CENPE: variants seen among roughly 807,000 people sequenced by gnomAD.
The protein encoded by CENPE is centromere-associated protein E.
In CENPE, 145 loss-of-function variants were observed where a neutral mutation model predicts 336.1. The ratio of observed to expected loss-of-function variants is 0.43; its 90% CI spans 0.38 to 0.50. CENPE has a LOEUF of 0.50. CENPE is among the 20% of genes least tolerant of loss of function. The pLI is 0.00. For missense variants in CENPE, 2,719 were observed against 3,023.3 expected (o/e 0.90, Z 2.36); for synonymous variants, 1,013 against 984.8 (o/e 1.03, Z -0.54).
intron 42 of CENPE, among the ~76,000 whole-genome samples, chr4:103,127,107 AAAAAACC>A (rs1751180651): frequency 6.6e-6 from 1 of 150,824 alleles, no homozygotes; most frequent in African/African-American, 2.4e-5. Context: ...TAAAAAAAAA[AAAAAACC>A]AAAAAAACCC....
At chr4:103,107,620 C>A (rs775085153) in intron 48 of CENPE, among the ~76,000 whole-genome samples, 1 of 152,108 alleles carries the variant, frequency 6.6e-6, no homozygotes, top group Non-Finnish European at 1.5e-5. Context: ...TCCTGCAAGT[C>A]CCCCCACTTC....
intron 16 of CENPE, among the ~76,000 whole-genome samples, chr4:103,173,570 C>CAATATTTGCAGA (rs1182868413): frequency 6.6e-4 from 100 of 151,828 alleles, no homozygotes; most frequent in African/African-American, 2.3e-3. Context: ...AAAATATTTG[C>CAATATTTGCAGA]AATATTTGCA....
At chr4:103,192,791 GGAAGACAT>G (rs142714571) in intron 8 of CENPE, among the ~76,000 whole-genome samples, 24,117 of 151,960 alleles carry the variant, frequency 0.16, 2,278 homozygotes, top group Non-Finnish European at 0.2. Flanking sequence ...ACCATCTTTA[GGAAGACAT>G]GAATTAGAAT....
rs1750672501 is a variant in CENPE at position 103,122,012 on chromosome 4, A to G, written c.7143+859T>C. Among the ~76,000 whole-genome samples the G allele has an allele frequency of 3.9e-5, 6 of 152,326 alleles. No homozygotes were observed. The South Asian group carries it at 1.2e-3, about 32-fold the overall frequency. On this transcript the variant is annotated intron_variant, in intron 43 of 48. Coordinates refer to ENST00000265148, the MANE Select transcript of CENPE (RefSeq NM_001813.3). Reference sequence around the variant, plus strand: ...ATCAAACTTGTCTAATGATAGTAGCATGTATTTTATTATCTGCTAGACTAT... The same window carrying G: ...ATCAAACTTGTCTAATGATAGTAGCGTGTATTTTATTATCTGCTAGACTAT...
chr4:103,117,941 T>A (rs1210642039), intron 44 of CENPE, among the ~76,000 whole-genome samples: 1 of 152,218 alleles, frequency 6.6e-6, no homozygotes, highest in Non-Finnish European at 1.5e-5. Flanking sequence ...TCATTTCTTT[T>A]AATTGCTGAA....
chr4:103,160,488 T>C, intron 21 of CENPE, 137 bp downstream of exon 21: 1 of 604,584 alleles, frequency 1.7e-6, no homozygotes, highest in Non-Finnish European at 2.8e-6. Context: ...TTCATTTCTA[T>C]TTCTAACTAG....
At chr4:103,114,406 G>A (rs752136089) in intron 46 of CENPE, 49 bp downstream of exon 46, 9 of 1,085,414 alleles carry the variant, frequency 8.3e-6, no homozygotes, top group Non-Finnish European at 1.1e-5. Flanking sequence ...AGTCTGTTGT[G>A]TGTTGAGAAG....
At chr4:103,178,957 C>T (rs1484870993) in intron 13 of CENPE, among the ~76,000 whole-genome samples, 1 of 152,040 alleles carries the variant, frequency 6.6e-6, no homozygotes, top group Admixed American at 6.6e-5. Context: ...AAATCTTCTA[C>T]CTCATATTCA....
At chr4:103,192,457 A>G (rs1757438688) in intron 8 of CENPE, among the ~76,000 whole-genome samples, 1 of 152,234 alleles carries the variant, frequency 6.6e-6, no homozygotes, top group African/African-American at 2.4e-5. Flanking sequence ...AGTATATTCG[A>G]AATCCTTATG....
At chr4:103,163,852 A>C (rs1483410336) in intron 16 of CENPE, among the ~76,000 whole-genome samples, 2 of 152,136 alleles carry the variant, frequency 1.3e-5, no homozygotes, top group Non-Finnish European at 2.9e-5. Flanking sequence ...ATAGCAAATT[A>C]GTATGCACTA....
At position 103,163,231 on chromosome 4, in the gene CENPE, A is replaced by C. The variant is rs750434530; in HGVS notation, c.1748T>G (p.Leu583Arg). The C allele has an allele frequency of 6.2e-7, 1 of 1,609,326 alleles. No homozygotes were observed. Among genetic ancestry groups the C allele is most frequent in the Admixed American group, 1.7e-5 (1 of 59,744 alleles). The change falls in exon 18 of 49, where the codon CTG becomes CGG. Residue 583 changes from leucine to arginine, a missense_variant. By Grantham distance (102) the Leu-to-Arg change is moderately radical. Around this residue, in one of 5 missense-constraint regions of CENPE, gnomAD observed 2,437 missense variants for 2,513.3 expected, o/e 0.97. Transcript: ENST00000265148. The stretch of plus-strand genomic sequence containing the variant: ...AATCTGGTCTTCCTTTTCTCTAAGC[A>C]GCTCTACTTTTGAACTGAGTTCATT... ...LENELSSKVE[L>R]LREKEDQIKK...
chr4:103,154,919 C>G (rs1753845888), intron 24 of CENPE, among the ~76,000 whole-genome samples: 1 of 152,104 alleles, frequency 6.6e-6, no homozygotes, highest in Admixed American at 6.5e-5. Flanking sequence ...GATAGACCTG[C>G]TAGTGCAGCT....
intron 16 of CENPE, among the ~76,000 whole-genome samples, chr4:103,170,988 A>G (rs1318095212): frequency 3.9e-5 from 6 of 152,220 alleles, no homozygotes; most frequent in African/African-American, 1.4e-4. Context: ...GGTTGTAACA[A>G]TTGTAAATAT....
Position 103,153,131 on chromosome 4 carries a change from C to A in CENPE, c.3153G>T (p.Glu1051Asp). The A allele has an allele frequency of 6.2e-7, 1 of 1,612,826 alleles. No individual in the cohort carries two copies. The highest frequency in any genetic ancestry group is 8.5e-7 in the Non-Finnish European group (1 of 1,179,396). ...CTAACATTTGTTGGAGTTCATTTTT[C>A]TCCTGTATTAAAGAAAATATCTTCC... Reference protein sequence around the residue: ...QQRKIFSLIQEKNELQQMLES... With the variant: ...QQRKIFSLIQDKNELQQMLES... The change falls in exon 25 of 49, where the codon GAG becomes GAT. Residue 1051 changes from glutamate to aspartate, a missense_variant. Transcript: ENST00000265148.
chr4:103,123,340 T>G (rs1490481091), intron 42 of CENPE, among the ~76,000 whole-genome samples: 1 of 152,184 alleles, frequency 6.6e-6, no homozygotes, highest in Non-Finnish European at 1.5e-5. Flanking sequence ...CAGCATACAC[T>G]ACTTGTTCAC....
At chr4:103,187,743 A>G (rs1756918851) in intron 8 of CENPE, among the ~76,000 whole-genome samples, 1 of 152,248 alleles carries the variant, frequency 6.6e-6, no homozygotes, top group African/African-American at 2.4e-5. Context: ...GCATCAACTA[A>G]CAAGCAAAAT....
intron 8 of CENPE, among the ~76,000 whole-genome samples, chr4:103,193,662 C>T (rs1757527889): frequency 6.6e-6 from 1 of 152,044 alleles, no homozygotes; most frequent in African/African-American, 2.4e-5. Flanking sequence ...TTCAGCAAAT[C>T]TATATTAGAC....
At position 103,181,448 on chromosome 4, in the gene CENPE, A is replaced by G; in HGVS notation, c.972T>C (p.Ser324=). ...DETLTALQFA[S]TAKYMKNTPY... is the part of the protein sequence containing the mutation. ...GAGTATTCTTCATATATTTAGCAGT[A>G]CTGGCAAACTGGAAAAAAAATACGA... The change falls in exon 12 of 49, where the codon AGT becomes AGC. Residue 324 remains serine, a synonymous_variant. Transcript: ENST00000265148. The G allele has an allele frequency of 6.4e-7, 1 of 1,558,582 alleles. No homozygotes were observed. The highest frequency in any genetic ancestry group is 8.6e-7 in the Non-Finnish European group (1 of 1,159,668).
At chr4:103,165,124 T>C (rs1754793930) in intron 16 of CENPE, among the ~76,000 whole-genome samples, 1 of 152,124 alleles carries the variant, frequency 6.6e-6, no homozygotes, top group Non-Finnish European at 1.5e-5. Context: ...CCCAATGACA[T>C]GTTTAAGATG....
Sources: allele counts gnomAD v4.1 joint callset (sites outside exome capture counted in the v4.1 genomes callset), GRCh38; gene constraint gnomAD v4.1.1; regional missense constraint gnomAD v4.1.1; transcripts MANE v1.5; gene names NCBI Gene and HGNC (gene_info 2026-07-23, HGNC 2026-07-21).